Variants in MDGA2 observed in about 807,000 individuals in gnomAD.
The protein encoded by MDGA2 is MAM domain-containing glycosylphosphatidylinositol anchor protein 2.
In MDGA2, 40 loss-of-function variants were observed where a neutral mutation model predicts 117.8. That is an observed-to-expected ratio of 0.34 (90% CI 0.26 to 0.44). MDGA2 has a LOEUF of 0.44. Ranked by LOEUF, MDGA2 falls within the 20% of genes least tolerant of loss-of-function variation. The probability of loss-of-function intolerance (pLI) is 1.00; values close to 1 mark genes in which losing one functional copy is unlikely to be tolerated. For missense variants in MDGA2, 1,123 were observed against 1,250.6 expected, an observed-to-expected ratio of 0.90 and a Z score of 1.54; for synonymous variants, 452 against 439.0, an observed-to-expected ratio of 1.03 and a Z score of -0.37.
chr14:47,163,331 C>T (rs898070299), intron 3 of MDGA2, among the ~76,000 whole-genome samples: 1 of 152,108 alleles, frequency 6.6e-6, no homozygotes, highest in Non-Finnish European at 1.5e-5. Flanking sequence ...GTGTCCCTAC[C>T]CAAATTTCAT....
At chr14:47,083,358 G>A (rs1890776962) in intron 6 of MDGA2, among the ~76,000 whole-genome samples, 1 of 151,826 alleles carries the variant, frequency 6.6e-6, no homozygotes, top group Non-Finnish European at 1.5e-5. Flanking sequence ...AAGGTGGAAA[G>A]CTATATAAAA....
chr14:46,862,963 A>G (rs1881571952), intron 14 of MDGA2, among the ~76,000 whole-genome samples: 1 of 152,026 alleles, frequency 6.6e-6, no homozygotes, highest in African/African-American at 2.4e-5. Context: ...CTTCTGGTGC[A>G]CAGGTGAATT....
intron 1 of MDGA2, among the ~76,000 whole-genome samples, chr14:47,473,123 A>C (rs183109470): frequency 6.6e-6 from 1 of 152,224 alleles, no homozygotes; most frequent in East Asian, 1.9e-4. Context: ...GTTTATGAGG[A>C]TAAATAGAAG....
intron 1 of MDGA2, among the ~76,000 whole-genome samples, chr14:47,421,555 C>CA (rs955550757): frequency 1.4e-4 from 21 of 151,952 alleles, no homozygotes; most frequent in Admixed American, 2.0e-4. Flanking sequence ...TATTTAAGGA[C>CA]AAAAAAGTAC....
intron 1 of MDGA2, among the ~76,000 whole-genome samples, chr14:47,603,555 A>G (rs1896685614): frequency 6.6e-6 from 1 of 152,174 alleles, no homozygotes; most frequent in African/African-American, 2.4e-5. Context: ...TATTTTGTCC[A>G]ATGATTGAGC....
chr14:46,919,690 G>C (rs547554532), intron 10 of MDGA2, among the ~76,000 whole-genome samples: 1 of 152,094 alleles, frequency 6.6e-6, no homozygotes, highest in Non-Finnish European at 1.5e-5. Flanking sequence ...TCTGAAATAA[G>C]TTCCTTTTAT....
intron 9 of MDGA2, among the ~76,000 whole-genome samples, chr14:46,955,344 A>T (rs910258480): frequency 1.3e-5 from 2 of 152,082 alleles, no homozygotes; most frequent in African/African-American, 4.8e-5. Context: ...CTGGGTTTCT[A>T]CTAAAGCTCA....
intron 1 of MDGA2, among the ~76,000 whole-genome samples, chr14:47,417,457 C>T (rs1259209576): frequency 2.0e-5 from 3 of 152,188 alleles, no homozygotes; most frequent in Non-Finnish European, 4.4e-5. Flanking sequence ...CTTTTACCAT[C>T]TATACTTCGA....
intron 14 of MDGA2, among the ~76,000 whole-genome samples, chr14:46,858,712 C>T (rs1881385839): frequency 1.3e-5 from 2 of 152,182 alleles, no homozygotes; most frequent in South Asian, 2.1e-4. Context: ...CAGGCGTGAG[C>T]CACCGTGCCC....
rs188536258 is a variant in MDGA2, at chr14:47,307,363, T to C, written c.281-5813A>G. 2.5e-3 allele frequency among the ~76,000 whole-genome samples: 382 copies of C among 152,298 alleles called. 3 individuals carry two copies. The highest frequency in any genetic ancestry group is 8.5e-3 in the African/African-American group (355 of 41,582). ...CCTAACATCTTCCTCATTAGCCTAG[T>C]TACATTACATGTTTTATTATCAAAA... On this transcript the variant is annotated intron_variant, in intron 1 of 16. Coordinates refer to ENST00000399232, the MANE Select transcript of MDGA2 (RefSeq NM_001113498.3).
chr14:46,881,914 A>C, intron 11 of MDGA2, 130 bp downstream of exon 11: 1 of 503,760 alleles, frequency 2.0e-6, no homozygotes. Flanking sequence ...TGTTTAGTTA[A>C]CTGGCTAATG....
At chr14:47,121,769 A>G (rs1176352123) in intron 5 of MDGA2, among the ~76,000 whole-genome samples, 1 of 152,132 alleles carries the variant, frequency 6.6e-6, no homozygotes, top group Non-Finnish European at 1.5e-5. Context: ...AACAGTGGCT[A>G]GGTATGCATC....
At chr14:46,975,703 G>C (rs1886430613) in intron 8 of MDGA2, among the ~76,000 whole-genome samples, 1 of 152,072 alleles carries the variant, frequency 6.6e-6, no homozygotes, top group East Asian at 1.9e-4. Context: ...AGATATCTTA[G>C]TACGTTTGAG....
intron 1 of MDGA2, 92 bp from the exon 2 acceptor site, chr14:47,301,642 T>C (rs1439881627): frequency 7.5e-7 from 1 of 1,329,736 alleles, no homozygotes; most frequent in Non-Finnish European, 1.0e-6. Context: ...GCAATTCTTA[T>C]TAGACTTCAC....
At chr14:47,411,219 G>T (rs749458135) in intron 1 of MDGA2, among the ~76,000 whole-genome samples, 1 of 152,004 alleles carries the variant, frequency 6.6e-6, no homozygotes, top group East Asian at 1.9e-4. Flanking sequence ...TACCATAAAC[G>T]TCCTTTTTTT....
chr14:46,863,181 C>A (rs998141877), intron 14 of MDGA2, among the ~76,000 whole-genome samples: 2 of 151,902 alleles, frequency 1.3e-5, no homozygotes, highest in African/African-American at 4.8e-5. Context: ...TATATAATTC[C>A]CTCTTTTGTA....
At chr14:47,040,763 G>A (rs191321979) in intron 7 of MDGA2, among the ~76,000 whole-genome samples, 7 of 152,098 alleles carry the variant, frequency 4.6e-5, no homozygotes, top group Non-Finnish European at 1.0e-4. Context: ...TACACACTAC[G>A]TTGTATGTTT....
At chr14:47,094,182 C>T (rs970874155) in intron 6 of MDGA2, among the ~76,000 whole-genome samples, 1 of 151,952 alleles carries the variant, frequency 6.6e-6, no homozygotes, top group African/African-American at 2.4e-5. Flanking sequence ...AGATTATATA[C>T]AAACTTGATT....
chr14:47,613,796 A>T (rs1896897921), intron 1 of MDGA2, among the ~76,000 whole-genome samples: 1 of 152,148 alleles, frequency 6.6e-6, no homozygotes, highest in South Asian at 2.1e-4. Flanking sequence ...TCACACTAAA[A>T]ATAAACCCCC....
Sources: gnomAD v4.1 joint callset for allele counts (sites outside exome capture counted in the v4.1 genomes callset) on GRCh38, gnomAD v4.1.1 for gene constraint, MANE v1.5 for transcripts, NCBI Gene and HGNC (gene_info 2026-07-23, HGNC 2026-07-21) for gene names.